The following MACO1 variants were observed in gnomAD, a reference collection of about 807,000 sequenced individuals.
MACO1 encodes the protein macoilin.
Under a neutral mutation model 78.7 loss-of-function variants are expected in MACO1, and 14 were observed. The observed-to-expected ratio is 0.18, with a 90% confidence interval of 0.12 to 0.28. The LOEUF is 0.28. MACO1 is among the 10% of genes least tolerant of loss of function. The pLI is 1.00. For synonymous variants in MACO1, 288 were observed against 291.6 expected (o/e 0.99, Z 0.12); for missense variants, 501 against 799.0 (o/e 0.63, Z 4.50).
chr1:25,468,177 T>C (rs2043236035), intron 6 of MACO1, among the ~76,000 whole-genome samples: 1 of 152,140 alleles, frequency 6.6e-6, no homozygotes, highest in Admixed American at 6.5e-5. Flanking sequence ...ATGAGTGTAC[T>C]TACTTATCTC....
chr1:25,468,441 C>G (rs1219527160), intron 6 of MACO1, among the ~76,000 whole-genome samples: 3 of 152,164 alleles, frequency 2.0e-5, no homozygotes, highest in Admixed American at 6.5e-5. Flanking sequence ...AACCTGGTTC[C>G]TCATTCTTGC....
chr1:25,481,831 C>T (rs1414402062), intron 6 of MACO1, among the ~76,000 whole-genome samples: 1 of 152,164 alleles, frequency 6.6e-6, no homozygotes, highest in Non-Finnish European at 1.5e-5. Context: ...GGACACCCAG[C>T]GGTGCTTTTG....
At chr1:25,459,267 C>T (rs2043151006) in intron 6 of MACO1, among the ~76,000 whole-genome samples, 1 of 151,502 alleles carries the variant, frequency 6.6e-6, no homozygotes, top group South Asian at 2.1e-4. Context: ...CTCTGTCAAA[C>T]AGATATACAT....
At chr1:25,431,259 A>C in intron 1 of MACO1, 81 bp downstream of exon 1, 8 of 1,023,770 alleles carry the variant, frequency 7.8e-6, no homozygotes, top group Admixed American at 3.5e-5. Context: ...CCGTTATGTA[A>C]CCCCGAGTAG....
chr1:25,458,158 T>C (rs2043139316), intron 5 of MACO1, among the ~76,000 whole-genome samples: 1 of 152,222 alleles, frequency 6.6e-6, no homozygotes, highest in African/African-American at 2.4e-5. Context: ...TCATAAATGA[T>C]GATGATTTTC....
At chr1:25,446,639 T>C in intron 1 of MACO1, 123 bp from the exon 2 acceptor site, 1 of 966,582 alleles carries the variant, frequency 1.0e-6, no homozygotes, top group Middle Eastern at 3.4e-4. Flanking sequence ...TTGTGCTTTA[T>C]CTCCATTGTT....
rs190828950 is a variant in MACO1 at position 25,457,126 on chromosome 1, G to A, written c.652+295G>A. ...TTTAAATTTAGTTTTTTGAGACAGGGAGGGTCTCACTCTGTTGCCTAAGCT... is the reference window on the plus strand; with the variant it reads ...TTTAAATTTAGTTTTTTGAGACAGGAAGGGTCTCACTCTGTTGCCTAAGCT... On this transcript the variant is annotated intron_variant, in intron 5 of 10. Coordinates refer to ENST00000374343, the MANE Select transcript of MACO1 (RefSeq NM_018202.6). 1.7e-3 allele frequency among the ~76,000 whole-genome samples: 260 copies of A among 151,122 alleles called. 1 individual carries two copies. Among genetic ancestry groups the A allele is most frequent in the Admixed American group, 5.0e-3 (76 of 15,170 alleles).
chr1:25,432,333 A>G (rs1399105504), intron 1 of MACO1, among the ~76,000 whole-genome samples: 1 of 152,206 alleles, frequency 6.6e-6, no homozygotes, highest in Non-Finnish European at 1.5e-5. Flanking sequence ...CAGCTGACTG[A>G]TGTAAACACT....
chr1:25,452,987 G>A (rs997038134), intron 3 of MACO1, among the ~76,000 whole-genome samples: 36 of 147,404 alleles, frequency 2.4e-4, no homozygotes, highest in Non-Finnish European at 3.4e-4. Context: ...GAGCCACCAC[G>A]CCTGGCCCTA....
At chr1:25,480,930 ATATATATATATATATAT>A (rs1257471979) in intron 6 of MACO1, among the ~76,000 whole-genome samples, 1,090 of 75,306 alleles carry the variant, frequency 0.014, 117 homozygotes, top group African/African-American at 0.032. Context: ...AAAAAAAAAA[ATATATATATATATATAT>A]ATATATATAT....
rs369593247 is a variant in MACO1 at position 25,463,143 on chromosome 1, G to A, written c.1154+4251G>A. 7.2e-5 allele frequency among the ~76,000 whole-genome samples: 11 copies of A among 152,118 alleles called. No individual in the cohort carries two copies. In the East Asian group the frequency reaches 1.3e-3, roughly 19 times the overall value. On this transcript the variant is annotated intron_variant, in intron 6 of 10. Transcript: ENST00000374343. ...CCTTATTAGATTGTGAGTTCCAGGG[G>A]GCAGAAGCTGGTTCTCTTCATTTTT...
At chr1:25,465,287 G>A (rs569118433) in intron 6 of MACO1, among the ~76,000 whole-genome samples, 1 of 152,260 alleles carries the variant, frequency 6.6e-6, no homozygotes, top group East Asian at 1.9e-4. Flanking sequence ...GTTTTGGGGT[G>A]GACATAAGTT....
At chr1:25,468,879 C>G (rs928339963) in intron 6 of MACO1, among the ~76,000 whole-genome samples, 1 of 152,158 alleles carries the variant, frequency 6.6e-6, no homozygotes, top group Non-Finnish European at 1.5e-5. Context: ...GACGGAGTCT[C>G]ACTCTGTCGC....
rs752351367 is a variant in MACO1, at chr1:25,454,434, ATATATGTGTGTG to A, written c.473+54_473+65del. 11 of 773,738 alleles carry A rather than the reference ATATATGTGTGTG, an allele frequency of 1.4e-5. No homozygotes were observed. The African/African-American group carries it at 3.1e-4, about 22-fold the overall frequency. 47.9% of individuals were successfully genotyped at this position (773,738 alleles called of 1,614,324 possible). On this transcript the variant is annotated intron_variant, in intron 4 of 10. Transcript: ENST00000374343. ...TGTGTGTGTATATGTGTGTATGTATATATATGTGTGTGTGTGTGTGTGTGTGTGTGTGTGTGT... is the reference window on the plus strand; with the variant it reads ...TGTGTGTGTATATGTGTGTATGTATATGTGTGTGTGTGTGTGTGTGTGTGT...
At chr1:25,495,954 C>G (rs1244259073) in intron 10 of MACO1, among the ~76,000 whole-genome samples, 1 of 152,062 alleles carries the variant, frequency 6.6e-6, no homozygotes, top group Non-Finnish European at 1.5e-5. Flanking sequence ...GAGCAAGACT[C>G]CATCTCAAAA....
chr1:25,479,454 C>G lies in MACO1; in HGVS notation c.1155-4662C>G, dbSNP rs552409067. Among the ~76,000 whole-genome samples, 3 of 152,190 alleles carry G rather than the reference C, an allele frequency of 2.0e-5. No homozygotes were observed. In the East Asian group the frequency reaches 5.8e-4, roughly 29 times the overall value. ...TTTGAAATGGAGTCTCTCTCTGTCG[C>G]CCAGACTGGAGTGCAGTGGTGTGAT... On this transcript the variant is annotated intron_variant, in intron 6 of 10. Transcript: ENST00000374343.
intron 4 of MACO1, 28 bp from the exon 5 acceptor site, chr1:25,456,625 A>G (rs750597705): frequency 1.4e-5 from 22 of 1,603,646 alleles, no homozygotes; most frequent in South Asian, 3.4e-5. Flanking sequence ...TAAACCTACA[A>G]TTACTGGCTG....
At position 25,484,226 on chromosome 1, in the gene MACO1, G is replaced by A. The variant is rs2043407728; in HGVS notation, c.1265G>A (p.Arg422His). 4 of 1,613,556 alleles carry A rather than the reference G, an allele frequency of 2.5e-6. No individual in the cohort carries two copies. The highest frequency in any genetic ancestry group is 2.2e-5 in the East Asian group (1 of 44,854). ...SSLSSTERGI[R>H]SEMGQLRQEN... Reference sequence around the variant, plus strand: ...CTTTCGAGCACCGAGCGAGGGATCCGCTCAGAAATGGGCCAGCTTCGGCAG... The same window carrying A: ...CTTTCGAGCACCGAGCGAGGGATCCACTCAGAAATGGGCCAGCTTCGGCAG... Residue 422 changes from arginine to histidine, a missense_variant, in exon 7 of 11, where the codon CGC becomes CAC. Transcript: ENST00000374343.
At chr1:25,472,475 T>C (rs1056213379) in intron 6 of MACO1, among the ~76,000 whole-genome samples, 1 of 152,072 alleles carries the variant, frequency 6.6e-6, no homozygotes, top group Non-Finnish European at 1.5e-5. Context: ...TTTGGTTTTC[T>C]CTTCCTGTGT....
Sources: gnomAD v4.1 joint callset for allele counts (sites outside exome capture counted in the v4.1 genomes callset) on GRCh38, gnomAD v4.1.1 for gene constraint, MANE v1.5 for transcripts, NCBI Gene and HGNC (gene_info 2026-07-23, HGNC 2026-07-21) for gene names.